MAML2: variants seen among roughly 807,000 people sequenced by gnomAD.
MAML2 encodes the protein mastermind-like protein 2.
Under a neutral mutation model 96.1 loss-of-function variants are expected in MAML2, and 22 were observed. The ratio of observed to expected loss-of-function variants is 0.23; its 90% CI spans 0.16 to 0.33. The LOEUF is 0.33. MAML2 is among the 10% of genes least tolerant of loss of function. The pLI, the probability that MAML2 is intolerant of heterozygous loss-of-function variation, is 1.00. For synonymous variants in MAML2, 561 were observed against 521.3 expected (o/e 1.08, Z -1.04); for missense variants, 1,367 against 1,392.4 (o/e 0.98, Z 0.29).
At chr11:96,000,380 G>A (rs912399393) in intron 2 of MAML2, among the ~76,000 whole-genome samples, 1 of 152,098 alleles carries the variant, frequency 6.6e-6, no homozygotes, top group African/African-American at 2.4e-5. Flanking sequence ...TCATTCATAT[G>A]CCTGTGGCTG....
At chr11:96,028,912 A>T (rs552379052) in intron 2 of MAML2, among the ~76,000 whole-genome samples, 68 of 152,226 alleles carry the variant, frequency 4.5e-4, no homozygotes, top group Middle Eastern at 6.8e-3. Flanking sequence ...CATTTTTTTT[A>T]AAATAAGGCT....
rs143909156 is a variant in MAML2, at chr11:96,056,781, T to C, written c.2139+35111A>G. On this transcript the variant is annotated intron_variant, in intron 2 of 4. Transcript: ENST00000524717. ...ATTTAATTATCTTCCCAGTTCTCAT[T>C]TGCGTATGTGTAGGCTACCATTCAC... Among the ~76,000 whole-genome samples, 491 of 152,298 alleles carry C rather than the reference T, an allele frequency of 3.2e-3. 4 individuals carry two copies. Among genetic ancestry groups the C allele is most frequent in the African/African-American group, 0.011 (440 of 41,564 alleles).
intron 1 of MAML2, among the ~76,000 whole-genome samples, chr11:96,169,462 A>C (rs920614173): frequency 2.0e-5 from 3 of 152,160 alleles, no homozygotes; most frequent in Admixed American, 6.5e-5. Flanking sequence ...TGGGTGCTCG[A>C]GCTCCTCCTT....
chr11:96,021,064 G>C (rs1478058695), intron 2 of MAML2, among the ~76,000 whole-genome samples: 1 of 152,000 alleles, frequency 6.6e-6, no homozygotes, highest in Non-Finnish European at 1.5e-5. Context: ...CTATATTTAT[G>C]AGTAGAGTTA....
At chr11:96,028,689 C>G (rs1301920748) in intron 2 of MAML2, among the ~76,000 whole-genome samples, 1 of 152,108 alleles carries the variant, frequency 6.6e-6, no homozygotes, top group Non-Finnish European at 1.5e-5. Flanking sequence ...CAAAGTCTAA[C>G]ATCTAGGCAG....
At chr11:96,268,582 A>C (rs1327044833) in intron 1 of MAML2, among the ~76,000 whole-genome samples, 4 of 152,154 alleles carry the variant, frequency 2.6e-5, no homozygotes, top group African/African-American at 9.7e-5. Context: ...TTGGTATATG[A>C]TATGGTTTGG....
At chr11:96,150,968 C>A (rs1484800438) in intron 1 of MAML2, among the ~76,000 whole-genome samples, 1 of 152,192 alleles carries the variant, frequency 6.6e-6, no homozygotes, top group African/African-American at 2.4e-5. Flanking sequence ...CCTACCGAAT[C>A]TAAATGTATA....
chr11:96,321,790 T>C (rs1035613869), intron 1 of MAML2, among the ~76,000 whole-genome samples: 1 of 152,252 alleles, frequency 6.6e-6, no homozygotes, highest in African/African-American at 2.4e-5. Flanking sequence ...ATGTGTTTAA[T>C]GGACATTTGT....
chr11:96,039,567 G>A (rs550712825), intron 2 of MAML2, among the ~76,000 whole-genome samples: 4 of 152,140 alleles, frequency 2.6e-5, no homozygotes, highest in African/African-American at 4.8e-5. Context: ...CTGACATGGC[G>A]CAAATAGAAT....
intron 1 of MAML2, among the ~76,000 whole-genome samples, chr11:96,148,105 A>T (rs1414740794): frequency 6.6e-6 from 1 of 152,236 alleles, no homozygotes; most frequent in East Asian, 1.9e-4. Flanking sequence ...AGCACACCTC[A>T]TCTGTCACGT....
intron 1 of MAML2, among the ~76,000 whole-genome samples, chr11:96,155,618 A>G (rs1861000604): frequency 6.9e-6 from 1 of 144,804 alleles, no homozygotes; most frequent in Admixed American, 7.2e-5. Context: ...CAGGTTGCAA[A>G]GGACAGTGCT....
intron 1 of MAML2, among the ~76,000 whole-genome samples, chr11:96,282,584 G>A (rs1021412904): frequency 6.6e-6 from 1 of 152,166 alleles, no homozygotes; most frequent in African/African-American, 2.4e-5. Flanking sequence ...TGTTAGATTA[G>A]AAGACATACT....
At chr11:96,115,137 G>A (rs1860212208) in intron 1 of MAML2, among the ~76,000 whole-genome samples, 1 of 151,908 alleles carries the variant, frequency 6.6e-6, no homozygotes, top group Non-Finnish European at 1.5e-5. Flanking sequence ...GTTTGGTGCT[G>A]TGAGGTAGAT....
chr11:96,107,546 C>G (rs905253361), intron 1 of MAML2, among the ~76,000 whole-genome samples: 1 of 152,204 alleles, frequency 6.6e-6, no homozygotes, highest in South Asian at 2.1e-4. Flanking sequence ...CCCTTGGACT[C>G]TCTAACATGA....
At position 96,093,550 on chromosome 11, in the gene MAML2, A is replaced by G. The variant is rs55755066; in HGVS notation, c.514-33T>C. 3.7e-3 allele frequency: 5,091 copies of G among 1,369,330 alleles called. 153 individuals are homozygous for G. The African/African-American group carries it at 0.064, about 17-fold the overall frequency. The allele number at this position is 1,369,330 out of a possible 1,614,324, so 84.8% of individuals were successfully genotyped here. Reference sequence around the variant, plus strand: ...ACAGAAGGGAATAAAAAGGAAAAATAAGAAATATGAATCCAATGATGCTTC... The same window carrying G: ...ACAGAAGGGAATAAAAAGGAAAAATGAGAAATATGAATCCAATGATGCTTC... On this transcript the variant is annotated intron_variant, in intron 1 of 4. Transcript: ENST00000524717.
Position 96,125,491 on chromosome 11 carries a change from C to T in MAML2, c.514-31974G>A, listed in dbSNP as rs538363285. 2.4e-4 allele frequency among the ~76,000 whole-genome samples: 37 copies of T among 152,288 alleles called. No homozygotes were observed. The South Asian group carries it at 7.7e-3, about 32-fold the overall frequency. On this transcript the variant is annotated intron_variant, in intron 1 of 4. Coordinates refer to ENST00000524717, the MANE Select transcript of MAML2 (RefSeq NM_032427.4). Reference sequence around the variant, plus strand: ...TCAGTTTTACAAAAGAGAATCCTGACATCTGTGTACCCAGTCTCTCCAGGG... The same window carrying T: ...TCAGTTTTACAAAAGAGAATCCTGATATCTGTGTACCCAGTCTCTCCAGGG...
intron 2 of MAML2, among the ~76,000 whole-genome samples, chr11:96,047,107 T>TG (rs1443178188): frequency 6.6e-6 from 1 of 152,210 alleles, no homozygotes; most frequent in Non-Finnish European, 1.5e-5. Flanking sequence ...AGTTTGCTTG[T>TG]GTTGTTCCTG....
intron 1 of MAML2, among the ~76,000 whole-genome samples, chr11:96,138,758 A>G (rs1287546659): frequency 1.3e-5 from 2 of 151,730 alleles, no homozygotes; most frequent in African/African-American, 4.8e-5. Flanking sequence ...CTTTCCAGGT[A>G]GAGATCGGTG....
intron 2 of MAML2, among the ~76,000 whole-genome samples, chr11:96,084,815 A>T (rs2135802491): frequency 6.6e-6 from 1 of 152,298 alleles, no homozygotes; most frequent in Non-Finnish European, 1.5e-5. Context: ...ACCAAGCAGG[A>T]CCCAGTAAGC....
Sources: gnomAD v4.1 joint callset for allele counts (sites outside exome capture counted in the v4.1 genomes callset) on GRCh38, gnomAD v4.1.1 for gene constraint, MANE v1.5 for transcripts, NCBI Gene and HGNC (gene_info 2026-07-23, HGNC 2026-07-21) for gene names.